The following HTR2B variants were observed in gnomAD, a reference collection of about 807,000 sequenced individuals.
HTR2B encodes the protein 5-HT 2B receptor.
HTR2B carries 31 observed loss-of-function variants against 39.8 expected under a neutral mutation model. The observed-to-expected ratio is 0.78, with a 90% CI of 0.58 to 1.05. The LOEUF (loss-of-function observed/expected upper bound fraction) is 1.05. Ranked by LOEUF, HTR2B falls within the 50% of genes least tolerant of loss-of-function variation. The pLI is 0.00. For synonymous variants in HTR2B, 210 were observed against 207.1 expected (o/e 1.01, Z -0.12); for missense variants, 562 against 578.0 (o/e 0.97, Z 0.28).
chr2:231,113,960 TA>T, intron 2 of HTR2B, 31 bp from the exon 3 acceptor site: 1 of 1,590,378 alleles, frequency 6.3e-7, no homozygotes, highest in Non-Finnish European at 8.6e-7. Context: ...ACAAACATTT[TA>T]TTCTATAAAA....
In HTR2B at chr2:231,113,758, TTGA is replaced by T; in HGVS notation, c.521_523del (p.Ile174del). ...TGAAATTAACCACACCACTGTAATC[TTGA>T]TGAATGCTGTAGCCCGTGAGTTATA... On this transcript the variant is annotated inframe_deletion, in exon 3 of 4. Coordinates refer to ENST00000258400, the MANE Select transcript of HTR2B (RefSeq NM_000867.5). 6 of 1,614,110 alleles carry T rather than the reference TTGA, an allele frequency of 3.7e-6. No homozygotes were observed. Among genetic ancestry groups the T allele is most frequent in the Non-Finnish European group, 5.1e-6 (6 of 1,179,960 alleles).
intron 2 of HTR2B, among the ~76,000 whole-genome samples, chr2:231,122,743 A>G (rs1383615075): frequency 5.3e-5 from 8 of 152,134 alleles, no homozygotes; most frequent in Non-Finnish European, 7.4e-5. Flanking sequence ...GTTTTAATCC[A>G]CTTACCAACT....
At chr2:231,112,829 C>T (rs912180755) in intron 3 of HTR2B, among the ~76,000 whole-genome samples, 5 of 152,164 alleles carry the variant, frequency 3.3e-5, no homozygotes, top group African/African-American at 1.2e-4. Flanking sequence ...TTCTGAACAT[C>T]GGTATGTTTT....
In HTR2B at chr2:231,108,574, C is replaced by A. The variant is rs1345271980; in HGVS notation, c.1389G>T (p.Thr463=). The A allele has an allele frequency of 6.2e-7, 1 of 1,613,850 alleles. No homozygotes were observed. Among genetic ancestry groups the A allele is most frequent in the Admixed American group, 1.7e-5 (1 of 60,012 alleles). Residue 463 remains threonine (T), a synonymous_variant, in exon 4 of 4, where the codon ACG becomes ACT. Transcript: ENST00000258400. ...CACCTTCATTTTCAGTGAGGAGAAG[C>A]GTATCTAGTAGAATGATTGATGAAG... ...IQSSSIILLD[T]LLLTENEGDK... is the part of the protein sequence containing the mutation.
intron 2 of HTR2B, among the ~76,000 whole-genome samples, chr2:231,116,893 G>T (rs1695356410): frequency 6.6e-6 from 1 of 151,868 alleles, no homozygotes. Flanking sequence ...AACACTGGTG[G>T]ATAGTTTTAA....
At chr2:231,116,947 G>T (rs1209143700) in intron 2 of HTR2B, among the ~76,000 whole-genome samples, 6 of 151,902 alleles carry the variant, frequency 3.9e-5, no homozygotes, top group Non-Finnish European at 5.9e-5. Context: ...TAAATTAATA[G>T]AAACCTTATA....
chr2:231,118,244 A>T (rs1695411262), intron 2 of HTR2B, among the ~76,000 whole-genome samples: 1 of 152,144 alleles, frequency 6.6e-6, no homozygotes, highest in Non-Finnish European at 1.5e-5. Context: ...GTTAGTGCTT[A>T]TTACTATTGT....
Position 231,108,534 on chromosome 2 carries a change from G to C in HTR2B, c.1429C>G (p.Gln477Glu), listed in dbSNP as rs757151621. ...TENEGDKTEE[Q>E]VSYV ...CAGTTCTGCTATACATAACTAACTTGCTCTTCAGTTTTGTCACCTTCATTT... is the reference window on the plus strand; with the variant it reads ...CAGTTCTGCTATACATAACTAACTTCCTCTTCAGTTTTGTCACCTTCATTT... Residue 477 changes from glutamine to glutamate, a missense_variant, in exon 4 of 4, where the codon CAA becomes GAA. Transcript: ENST00000258400. 8.1e-6 allele frequency: 13 copies of C among 1,613,124 alleles called. No homozygotes were observed. Among genetic ancestry groups the C allele is most frequent in the Non-Finnish European group, 1.1e-5 (13 of 1,179,586 alleles).
intron 2 of HTR2B, among the ~76,000 whole-genome samples, chr2:231,122,244 A>C (rs1249496264): frequency 6.6e-6 from 1 of 152,098 alleles, no homozygotes; most frequent in Non-Finnish European, 1.5e-5. Context: ...GCCCAGGTAA[A>C]TGTTGATTTA....
At chr2:231,113,179 A>G (rs761271806) in intron 3 of HTR2B, among the ~76,000 whole-genome samples, 3 of 152,124 alleles carry the variant, frequency 2.0e-5, no homozygotes, top group Non-Finnish European at 4.4e-5. Context: ...AAGAAAAAAC[A>G]AACCAAAAAA....
intron 2 of HTR2B, among the ~76,000 whole-genome samples, chr2:231,116,602 A>AC (rs1695342986): frequency 6.6e-6 from 1 of 152,012 alleles, no homozygotes; most frequent in Non-Finnish European, 1.5e-5. Context: ...TTGGAATTTG[A>AC]CCATCTGATC....
intron 2 of HTR2B, among the ~76,000 whole-genome samples, chr2:231,119,612 T>G (rs1258906194): frequency 6.6e-6 from 1 of 152,162 alleles, no homozygotes; most frequent in Non-Finnish European, 1.5e-5. Context: ...GGCTCATGTC[T>G]GTAATCCCAA....
rs1192010090 is a variant in HTR2B, at chr2:231,109,322, A to C, written c.641T>G (p.Phe214Cys). Residue 214 changes from phenylalanine (F) to cysteine (C), a missense_variant, in exon 4 of 4, where the codon TTT becomes TGT. Phe to Cys is a radical substitution (Grantham distance 205, BLOSUM62 -2). Coordinates refer to ENST00000258400, the MANE Select transcript of HTR2B (RefSeq NM_000867.5). ...NITCVLTKER[F>C]GDFMLFGSLA... ...TGAGCCAAAGAGCATGAAATCGCCA[A>C]AACGTTCCTTTGTCAGCACACAAGT... 1 of 1,614,120 alleles carries C rather than the reference A, an allele frequency of 6.2e-7. No homozygotes were observed. Among genetic ancestry groups the C allele is most frequent in the Non-Finnish European group, 8.5e-7 (1 of 1,179,976 alleles).
intron 2 of HTR2B, among the ~76,000 whole-genome samples, chr2:231,122,442 A>C (rs1238950651): frequency 1.3e-5 from 2 of 152,246 alleles, no homozygotes; most frequent in East Asian, 3.9e-4. Context: ...ATCTTCATAT[A>C]AGTAAATATA....
intron 2 of HTR2B, among the ~76,000 whole-genome samples, chr2:231,122,652 G>T (rs1429262191): frequency 1.3e-5 from 2 of 152,008 alleles, no homozygotes; most frequent in East Asian, 3.9e-4. Flanking sequence ...GCAGAAATCT[G>T]GAACTACTTA....
At chr2:231,111,505 C>A (rs1695154051) in intron 3 of HTR2B, among the ~76,000 whole-genome samples, 1 of 152,194 alleles carries the variant, frequency 6.6e-6, no homozygotes, top group Non-Finnish European at 1.5e-5. Context: ...TGCCCTTACC[C>A]TGTTATATTA....
At chr2:231,122,799 T>G (rs1695590462) in intron 2 of HTR2B, among the ~76,000 whole-genome samples, 1 of 152,136 alleles carries the variant, frequency 6.6e-6, no homozygotes, top group African/African-American at 2.4e-5. Flanking sequence ...ATAAAAAAAT[T>G]GAATCGATAG....
rs1559233383 is a variant in HTR2B, at chr2:231,108,935, G to C, written c.1028C>G (p.Thr343Arg). ...ATCACATAAAACTAAAGTTATATTTGTAATAAAGAAGGGACACCACATAAG... is the reference window on the plus strand; with the variant it reads ...ATCACATAAAACTAAAGTTATATTTCTAATAAAGAAGGGACACCACATAAG... Reference protein sequence around the residue: ...FLLMWCPFFITNITLVLCDSC... With the variant: ...FLLMWCPFFIRNITLVLCDSC... Residue 343 changes from threonine (T) to arginine (R), a missense_variant, in exon 4 of 4, where the codon ACA becomes AGA. Coordinates refer to ENST00000258400, the MANE Select transcript of HTR2B (RefSeq NM_000867.5). 1.5e-5 allele frequency: 25 copies of C among 1,614,098 alleles called. No individual in the cohort carries two copies. The highest frequency in any genetic ancestry group is 2.0e-5 in the Non-Finnish European group (24 of 1,179,990).
chr2:231,123,834 C>G lies in HTR2B; in HGVS notation c.-70G>C. On this transcript the variant is annotated 5_prime_UTR_variant, in exon 2 of 4. Coordinates refer to ENST00000258400, the MANE Select transcript of HTR2B (RefSeq NM_000867.5). ...CATGGTTAGTAGCTAAGCTGCTCAT[C>G]TGTTTTTTTAAGGCATTGTAACCAT... is the stretch of plus-strand genomic sequence containing the variant. The G allele has an allele frequency of 8.2e-7, 1 of 1,223,528 alleles. No homozygotes were observed. The highest frequency in any genetic ancestry group is 1.2e-6 in the Non-Finnish European group (1 of 826,556). The allele number at this position is 1,223,528 out of a possible 1,614,324, so 75.8% of individuals were successfully genotyped here.
Sources: allele counts gnomAD v4.1 joint callset (sites outside exome capture counted in the v4.1 genomes callset), GRCh38; gene constraint gnomAD v4.1.1; transcripts MANE v1.5; gene names NCBI Gene and HGNC (gene_info 2026-07-23, HGNC 2026-07-21).